MYO1H: variants seen among roughly 807,000 people sequenced by gnomAD.
MYO1H encodes unconventional myosin-Ih.
MYO1H carries 118 observed loss-of-function variants against 149.3 expected under a neutral mutation model. The observed-to-expected ratio is 0.79, with a 90% CI of 0.68 to 0.92. The LOEUF (loss-of-function observed/expected upper bound fraction) is 0.92. Among genes scored for constraint, MYO1H ranks in the 40% least tolerant of loss-of-function variants. The pLI is 0.00. For missense variants in MYO1H, 1,212 were observed against 1,280.7 expected (o/e 0.95, Z 0.82); for synonymous variants, 447 against 465.2 (o/e 0.96, Z 0.50).
intron 30 of MYO1H, 63 bp downstream of exon 30, chr12:109,444,592 C>T (rs1281745263): frequency 5.4e-6 from 7 of 1,295,608 alleles, no homozygotes; most frequent in Middle Eastern, 3.7e-4. Context: ...TAAGGCCGAG[C>T]GTGGTGGCTC....
At chr12:109,406,248 G>A (rs943542267) in intron 8 of MYO1H, among the ~76,000 whole-genome samples, 2 of 151,936 alleles carry the variant, frequency 1.3e-5, no homozygotes, top group Non-Finnish European at 2.9e-5. Flanking sequence ...TTGTAATAAC[G>A]CACAATGATC....
chr12:109,356,234 A>C (rs1187323297), intron 1 of MYO1H, among the ~76,000 whole-genome samples: 1 of 152,218 alleles, frequency 6.6e-6, no homozygotes, highest in Admixed American at 6.5e-5. Flanking sequence ...TGATGGTCCA[A>C]ACAGGTTTTA....
intron 14 of MYO1H, among the ~76,000 whole-genome samples, chr12:109,414,252 G>A (rs936186266): frequency 6.6e-6 from 1 of 152,118 alleles, no homozygotes; most frequent in Middle Eastern, 3.4e-3. Context: ...AAGACGAGTG[G>A]ATAATCTGAG....
At chr12:109,400,725 T>C (rs1870126115) in intron 5 of MYO1H, among the ~76,000 whole-genome samples, 1 of 152,148 alleles carries the variant, frequency 6.6e-6, no homozygotes, top group South Asian at 2.1e-4. Context: ...TATGATTCAG[T>C]AGAGAAAAGA....
the MYO1H span, among the ~76,000 whole-genome samples, chr12:109,331,482 G>A: frequency 6.6e-6 from 1 of 152,066 alleles, no homozygotes; most frequent in Non-Finnish European, 1.5e-5. Context: ...GCGGTGGGGC[G>A]GGGGTGGGGT....
At chr12:109,404,837 C>T (rs1037084776) in intron 7 of MYO1H, among the ~76,000 whole-genome samples, 5 of 146,220 alleles carry the variant, frequency 3.4e-5, no homozygotes, top group Non-Finnish European at 6.0e-5. Flanking sequence ...TTTGTTTTTA[C>T]ATCTTTTTGT....
exon 32 of MYO1H, chr12:109,447,912 CACACA>C (rs1270791070): frequency 1.3e-5 from 2 of 152,338 alleles, no homozygotes; most frequent in Non-Finnish European, 2.9e-5. Flanking sequence ...AGCATATGAG[CACACA>C]AATGGACAAT....
At chr12:109,370,405 C>G (rs978609297) in intron 1 of MYO1H, among the ~76,000 whole-genome samples, 1 of 152,224 alleles carries the variant, frequency 6.6e-6, no homozygotes, top group African/African-American at 2.4e-5. Context: ...AGTCACATGT[C>G]TACCCAGCAG....
At chr12:109,369,264 T>C (rs1868932746) in intron 1 of MYO1H, among the ~76,000 whole-genome samples, 1 of 152,198 alleles carries the variant, frequency 6.6e-6, no homozygotes, top group South Asian at 2.1e-4. Context: ...ATTCTTTTCA[T>C]GGCTGCACAG....
At chr12:109,398,170 G>C (rs7957928) in intron 5 of MYO1H, among the ~76,000 whole-genome samples, 82,306 of 151,996 alleles carry the variant, frequency 0.54, 23,433 homozygotes, top group African/African-American at 0.71. Flanking sequence ...AAAACATAAT[G>C]TAAGGTGCAA....
chr12:109,448,151 C>CTT (rs1872568620), exon 32 of MYO1H: 1 of 152,114 alleles, frequency 6.6e-6, no homozygotes. Flanking sequence ...ATGAGAAGTG[C>CTT]TTTGGTCTTT....
chr12:109,371,200 C>CTTTT (rs1868975215), intron 1 of MYO1H, among the ~76,000 whole-genome samples: 1 of 133,066 alleles, frequency 7.5e-6, no homozygotes, highest in African/African-American at 2.7e-5. Context: ...CATTGGTTTT[C>CTTTT]TTTTTTTTCT....
chr12:109,329,537 G>A, the MYO1H span, among the ~76,000 whole-genome samples: 20 of 152,114 alleles, frequency 1.3e-4, no homozygotes, highest in African/African-American at 4.8e-4. Context: ...TTGACTACTC[G>A]GGGATTGTGA....
rs879223639 is a variant in MYO1H, at chr12:109,444,600, C to T, written c.2993+71C>T. The T allele has an allele frequency of 1.3e-5, 16 of 1,202,872 alleles. No homozygotes were observed. In the South Asian group the frequency reaches 1.9e-4, roughly 14 times the overall value. The allele number at this position is 1,202,872 out of a possible 1,614,324, so 74.5% of individuals were successfully genotyped here. On this transcript the variant is annotated intron_variant, in intron 30 of 31. Transcript: ENST00000310903. ...TGTTTATTAAGGCCGAGCGTGGTGGCTCATGCCTATAATCCCAGCACTTTG... is the reference window on the plus strand; with the variant it reads ...TGTTTATTAAGGCCGAGCGTGGTGGTTCATGCCTATAATCCCAGCACTTTG...
At chr12:109,438,193 C>T (rs566913996) in intron 22 of MYO1H, among the ~76,000 whole-genome samples, 1 of 151,962 alleles carries the variant, frequency 6.6e-6, no homozygotes, top group African/African-American at 2.4e-5. Context: ...TAAAAGTAAA[C>T]CCCAGTGAGA....
chr12:109,412,820 CTG>C (rs963403964), intron 14 of MYO1H, among the ~76,000 whole-genome samples: 2 of 152,156 alleles, frequency 1.3e-5, no homozygotes, highest in African/African-American at 2.4e-5. Context: ...GAGTCTCACT[CTG>C]TTGCCCAGGC....
At chr12:109,439,701 C>G (rs74528155) in exon 24 of MYO1H, 1 of 1,613,640 alleles carries the variant, frequency 6.2e-7, no homozygotes, top group Non-Finnish European at 8.5e-7. Flanking sequence ...CGTGTTTGTG[C>G]GGAAGAATTA....
At chr12:109,317,691 G>C in the MYO1H span, among the ~76,000 whole-genome samples, 1 of 152,136 alleles carries the variant, frequency 6.6e-6, no homozygotes, top group Non-Finnish European at 1.5e-5. Context: ...TTTCCTTTTA[G>C]GGATACAGCC....
intron 26 of MYO1H, 40 bp downstream of exon 26, chr12:109,441,748 T>C (rs752740473): frequency 4.1e-6 from 6 of 1,477,950 alleles, no homozygotes; most frequent in Non-Finnish European, 5.6e-6. Flanking sequence ...GCTTTCCAAT[T>C]CTAAAAGGAG....
Sources: allele counts gnomAD v4.1 joint callset (sites outside exome capture counted in the v4.1 genomes callset), GRCh38; gene constraint gnomAD v4.1.1; transcripts MANE v1.5; gene names NCBI Gene and HGNC (gene_info 2026-07-23, HGNC 2026-07-21).